The following INPP4B variants were observed in gnomAD, a reference collection of about 807,000 sequenced individuals.
INPP4B encodes the protein inositol polyphosphate 4-phosphatase type II.
In INPP4B, 55 loss-of-function variants were observed where a neutral mutation model predicts 122.5. That is an observed-to-expected ratio of 0.45 (90% CI 0.36 to 0.56). The LOEUF is 0.56. Among genes scored for constraint, INPP4B ranks in the 20% least tolerant of loss-of-function variants. The pLI is 0.00. For synonymous variants in INPP4B, 403 were observed against 388.7 expected (o/e 1.04, Z -0.43); for missense variants, 1,000 against 1,097.7 (o/e 0.91, Z 1.26).
intron 25 of INPP4B, 79 bp from the exon 26 acceptor site, chr4:142,028,993 A>G (rs1303657312): frequency 6.6e-7 from 1 of 1,505,148 alleles, no homozygotes; most frequent in Admixed American, 2.3e-5. Context: ...GCAGAGTTGC[A>G]GCAACCATCC....
chr4:142,313,942 G>A (rs1380909365), intron 8 of INPP4B, among the ~76,000 whole-genome samples: 2 of 152,112 alleles, frequency 1.3e-5, no homozygotes, highest in Non-Finnish European at 2.9e-5. Flanking sequence ...GAAAATTAAT[G>A]GTACCTAGTA....
intron 2 of INPP4B, among the ~76,000 whole-genome samples, chr4:142,552,472 C>T (rs1049883359): frequency 2.0e-5 from 3 of 151,790 alleles, no homozygotes; most frequent in Middle Eastern, 3.4e-3. Context: ...TTACTGGGAC[C>T]CTGCACTGCC....
At chr4:142,845,027 T>C (rs146777161) in intron 1 of INPP4B, among the ~76,000 whole-genome samples, 1 of 152,182 alleles carries the variant, frequency 6.6e-6, no homozygotes, top group East Asian at 1.9e-4. Flanking sequence ...TCAAATAACA[T>C]TCCAGAAAGA....
chr4:142,042,558 GTATTTATT>G (rs372566277), intron 25 of INPP4B, among the ~76,000 whole-genome samples: 164 of 64,106 alleles, frequency 2.6e-3, no homozygotes, highest in African/African-American at 6.6e-3. Flanking sequence ...ATGTATGTAT[GTATTTATT>G]TATTTATTTA....
At chr4:142,590,312 T>C (rs1368811541) in intron 2 of INPP4B, among the ~76,000 whole-genome samples, 5 of 152,212 alleles carry the variant, frequency 3.3e-5, no homozygotes, top group African/African-American at 1.2e-4. Flanking sequence ...CAAGATACAA[T>C]GCAGAATTTA....
chr4:142,058,219 CA>C (rs1283994653), intron 25 of INPP4B, among the ~76,000 whole-genome samples: 2 of 152,026 alleles, frequency 1.3e-5, no homozygotes, highest in Non-Finnish European at 2.9e-5. Flanking sequence ...TAGTAAATTT[CA>C]GAAGCTTATG....
intron 18 of INPP4B, among the ~76,000 whole-genome samples, chr4:142,144,484 T>C (rs1451774838): frequency 6.6e-6 from 1 of 152,084 alleles, no homozygotes; most frequent in East Asian, 1.9e-4. Context: ...TGATAATCAA[T>C]ATTTGTTCAA....
intron 10 of INPP4B, 97 bp downstream of exon 10, chr4:142,270,566 G>T: frequency 1.2e-6 from 1 of 820,650 alleles, no homozygotes; most frequent in Non-Finnish European, 2.1e-6. Context: ...TTTTGATAAT[G>T]AGATTTCAAA....
chr4:142,591,971 A>C (rs1427455188), intron 2 of INPP4B, among the ~76,000 whole-genome samples: 1 of 152,172 alleles, frequency 6.6e-6, no homozygotes, highest in African/African-American at 2.4e-5. Flanking sequence ...AAAGGTAAAA[A>C]CTATGAAAAT....
chr4:142,212,147 G>A (rs1183668428), intron 12 of INPP4B, among the ~76,000 whole-genome samples: 2 of 152,104 alleles, frequency 1.3e-5, no homozygotes. Flanking sequence ...TACCATCTGA[G>A]TTGATAACCC....
At position 142,160,420 on chromosome 4, in the gene INPP4B, G is replaced by A. The variant is rs1425326316; in HGVS notation, c.1501C>T (p.Pro501Ser). 1 of 1,606,694 alleles carries A rather than the reference G, an allele frequency of 6.2e-7. No homozygotes were observed. Among genetic ancestry groups the A allele is most frequent in the Non-Finnish European group, 8.5e-7 (1 of 1,174,776 alleles). The change falls in exon 17 of 26, where the codon CCC (proline) becomes TCC (serine). Residue 501 changes from proline (P) to serine (S), a missense_variant. Transcript: ENST00000262992. ...STEESSPQDQ[P>S]PVMRGQDSIP... The stretch of plus-strand genomic sequence containing the variant: ...GAGTCCTGCCCTCTCATCACTGGGG[G>A]TTGGTCTTGGGGACTGCTCTCCTCT...
At position 142,720,733 on chromosome 4, in the gene INPP4B, T is replaced by TATATATGTATATATACATATATATATGA. The variant is rs1553997295; in HGVS notation, c.-191+5105_-191+5106insTCATATATATATGTATATATACATATAT. Among the ~76,000 whole-genome samples the TATATATGTATATATACATATATATATGA allele has an allele frequency of 2.1e-3, 114 of 55,460 alleles. 3 individuals carry two copies. Among genetic ancestry groups the TATATATGTATATATACATATATATATGA allele is most frequent in the East Asian group, 0.015 (24 of 1,612 alleles). 36.4% of individuals were successfully genotyped at this position (55,460 alleles called of 152,430 possible). ...AACTGTATATGTGTATATATATACA[T>TATATATGTATATATACATATATATATGA]ATATATATATATATACATATATATA... On this transcript the variant is annotated intron_variant, in intron 2 of 25. Coordinates refer to ENST00000262992, the MANE Select transcript of INPP4B (RefSeq NM_001101669.3).
chr4:142,257,400 A>G (rs936610427), intron 11 of INPP4B, among the ~76,000 whole-genome samples: 8 of 152,174 alleles, frequency 5.3e-5, no homozygotes, highest in Non-Finnish European at 1.2e-4. Flanking sequence ...AATTAGGAAA[A>G]GAGGAAGTCA....
chr4:142,671,922 T>C (rs1580676837), intron 2 of INPP4B, among the ~76,000 whole-genome samples: 1 of 152,170 alleles, frequency 6.6e-6, no homozygotes, highest in Admixed American at 6.6e-5. Flanking sequence ...GGTCAACTCC[T>C]ACTCTATTCT....
intron 2 of INPP4B, among the ~76,000 whole-genome samples, chr4:142,651,882 A>G (rs754511415): frequency 3.9e-5 from 6 of 152,232 alleles, no homozygotes; most frequent in Non-Finnish European, 8.8e-5. Context: ...TGCAGCCAGC[A>G]TCATCCTGAT....
At chr4:142,258,002 G>T (rs1192092447) in intron 11 of INPP4B, among the ~76,000 whole-genome samples, 2 of 152,038 alleles carry the variant, frequency 1.3e-5, no homozygotes, top group South Asian at 2.1e-4. Context: ...TACCAAAACA[G>T]AGATATAGAT....
intron 2 of INPP4B, among the ~76,000 whole-genome samples, chr4:142,477,575 T>G (rs905349428): frequency 6.6e-6 from 1 of 151,286 alleles, no homozygotes; most frequent in Non-Finnish European, 1.5e-5. Context: ...ATAAAGACAA[T>G]AAGAAACAAC....
chr4:142,698,718 A>C (rs1299437342), intron 2 of INPP4B, among the ~76,000 whole-genome samples: 3 of 152,178 alleles, frequency 2.0e-5, no homozygotes, highest in African/African-American at 7.2e-5. Flanking sequence ...CTTGGTGTGC[A>C]GCTAGTGCAT....
intron 25 of INPP4B, among the ~76,000 whole-genome samples, chr4:142,042,508 A>ATGTGTGTGTG (rs368600069): frequency 7.0e-5 from 10 of 142,314 alleles, no homozygotes; most frequent in African/African-American, 2.4e-4. Context: ...CTGCCAATTT[A>ATGTGTGTGTG]TGTGTGTGTG....
Sources: gnomAD v4.1 joint callset for allele counts (sites outside exome capture counted in the v4.1 genomes callset) on GRCh38, gnomAD v4.1.1 for gene constraint, MANE v1.5 for transcripts, NCBI Gene and HGNC (gene_info 2026-07-23, HGNC 2026-07-21) for gene names.